OPCML: variants seen among roughly 807,000 people sequenced by gnomAD.
OPCML encodes the protein opioid-binding protein/cell adhesion molecule.
OPCML carries 13 observed loss-of-function variants against 37.8 expected under a neutral mutation model. The observed-to-expected ratio is 0.34, with a 90% confidence interval of 0.22 to 0.55. OPCML has a LOEUF of 0.55. Among genes scored for constraint, OPCML ranks in the 20% least tolerant of loss-of-function variants. OPCML has a pLI of 0.91. For missense variants in OPCML, 341 were observed against 435.6 expected (o/e 0.78, Z 1.93); for synonymous variants, 176 against 168.8 (o/e 1.04, Z -0.33).
At chr11:132,512,203 A>C (rs911912581) in intron 4 of OPCML, among the ~76,000 whole-genome samples, 1 of 152,108 alleles carries the variant, frequency 6.6e-6, no homozygotes, top group Admixed American at 6.6e-5. Context: ...TAATATTTCA[A>C]AGACAGGATA....
At chr11:132,728,089 G>T (rs1295638145) in intron 2 of OPCML, among the ~76,000 whole-genome samples, 1 of 152,214 alleles carries the variant, frequency 6.6e-6, no homozygotes, top group Non-Finnish European at 1.5e-5. Flanking sequence ...AGGGTAAACT[G>T]GTGAAAGACG....
At chr11:133,368,300 G>A (rs1377709372) in intron 1 of OPCML, among the ~76,000 whole-genome samples, 2 of 151,780 alleles carry the variant, frequency 1.3e-5, no homozygotes, top group Admixed American at 1.3e-4. Flanking sequence ...AGGAGGGAAG[G>A]CAGATGAAGA....
intron 4 of OPCML, among the ~76,000 whole-genome samples, chr11:132,470,767 A>C (rs2096135719): frequency 6.6e-6 from 1 of 152,190 alleles, no homozygotes; most frequent in South Asian, 2.1e-4. Context: ...TAGGATTGAA[A>C]CCCAGATTGT....
intron 4 of OPCML, among the ~76,000 whole-genome samples, chr11:132,479,466 C>G (rs1378382551): frequency 6.6e-6 from 1 of 152,206 alleles, no homozygotes; most frequent in African/African-American, 2.4e-5. Flanking sequence ...CCACCATTGC[C>G]CAGGCTTGCT....
intron 2 of OPCML, among the ~76,000 whole-genome samples, chr11:132,920,505 G>A (rs1373347317): frequency 6.6e-6 from 1 of 152,160 alleles, no homozygotes; most frequent in Non-Finnish European, 1.5e-5. Context: ...GTGCTGTCTT[G>A]GATCGCAGCC....
intron 2 of OPCML, among the ~76,000 whole-genome samples, chr11:132,712,190 T>A (rs11223178): frequency 0.18 from 27,618 of 152,094 alleles, 3,168 homozygotes; most frequent in Non-Finnish European, 0.25. Flanking sequence ...TGTCGGCAAT[T>A]GATTTGGTAG....
intron 1 of OPCML, among the ~76,000 whole-genome samples, chr11:133,448,614 T>C (rs1946518391): frequency 1.3e-5 from 2 of 152,160 alleles, no homozygotes; most frequent in South Asian, 4.1e-4. Context: ...CCTGCCACCA[T>C]GCCCAGCTAA....
chr11:133,373,423 A>AT (rs1944720551), intron 1 of OPCML, among the ~76,000 whole-genome samples: 10 of 90,012 alleles, frequency 1.1e-4, no homozygotes, highest in East Asian at 7.4e-4. Flanking sequence ...TACTTAATTA[A>AT]AATATATATA....
chr11:133,329,303 T>A (rs1442945093), intron 1 of OPCML, among the ~76,000 whole-genome samples: 1 of 152,108 alleles, frequency 6.6e-6, no homozygotes, highest in East Asian at 1.9e-4. Flanking sequence ...AAGCTACCAA[T>A]GACTATCTTC....
chr11:132,584,427 TCCTTCATTTG>T (rs2096468269), intron 3 of OPCML, among the ~76,000 whole-genome samples: 1 of 152,226 alleles, frequency 6.6e-6, no homozygotes, highest in Non-Finnish European at 1.5e-5. Flanking sequence ...GGTCAATTAT[TCCTTCATTTG>T]CACTTAAATT....
At chr11:132,491,574 C>G (rs1236095378) in intron 4 of OPCML, among the ~76,000 whole-genome samples, 2 of 152,284 alleles carry the variant, frequency 1.3e-5, no homozygotes, top group Admixed American at 6.5e-5. Context: ...CACCCACTCA[C>G]TCTCTTTCCC....
At chr11:133,482,315 C>A (rs1300231608) in intron 1 of OPCML, among the ~76,000 whole-genome samples, 1 of 152,184 alleles carries the variant, frequency 6.6e-6, no homozygotes, top group African/African-American at 2.4e-5. Flanking sequence ...GCATTTGAGG[C>A]AGCAGACAAC....
chr11:132,661,703 C>G (rs560641104), intron 2 of OPCML, among the ~76,000 whole-genome samples: 2 of 152,308 alleles, frequency 1.3e-5, no homozygotes, highest in East Asian at 3.9e-4. Flanking sequence ...CTAACCCTAC[C>G]TACTGATCCT....
At chr11:133,403,966 G>C (rs1400016730) in intron 1 of OPCML, among the ~76,000 whole-genome samples, 1 of 152,156 alleles carries the variant, frequency 6.6e-6, no homozygotes, top group African/African-American at 2.4e-5. Flanking sequence ...AAGTAGTGTT[G>C]CTTTGAACCA....
At chr11:133,517,817 G>C (rs1331578613) in intron 1 of OPCML, among the ~76,000 whole-genome samples, 1 of 152,220 alleles carries the variant, frequency 6.6e-6, no homozygotes, top group Non-Finnish European at 1.5e-5. Flanking sequence ...GAGTGAATGA[G>C]TAACCACAGC....
chr11:133,369,806 T>C (rs763991527), intron 1 of OPCML, among the ~76,000 whole-genome samples: 2 of 152,210 alleles, frequency 1.3e-5, no homozygotes, highest in Non-Finnish European at 2.9e-5. Flanking sequence ...GTAAAGAATG[T>C]GCATTCACAC....
intron 1 of OPCML, among the ~76,000 whole-genome samples, chr11:133,035,158 A>G (rs949444759): frequency 9.9e-5 from 15 of 152,074 alleles, no homozygotes; most frequent in African/African-American, 3.4e-4. Flanking sequence ...CTCATAGATT[A>G]CCTTCATTCT....
intron 1 of OPCML, among the ~76,000 whole-genome samples, chr11:133,406,296 C>T (rs1945524362): frequency 6.6e-6 from 1 of 152,118 alleles, no homozygotes; most frequent in Non-Finnish European, 1.5e-5. Flanking sequence ...CACCTCCAAA[C>T]CTGCAGAGAT....
intron 2 of OPCML, among the ~76,000 whole-genome samples, chr11:132,735,209 CT>C (rs1591534617): frequency 6.6e-6 from 1 of 151,976 alleles, no homozygotes; most frequent in Admixed American, 6.6e-5. Context: ...AAAATATAGC[CT>C]AGGAAACTAT....
Sources: allele counts gnomAD v4.1 joint callset (sites outside exome capture counted in the v4.1 genomes callset), GRCh38; gene constraint gnomAD v4.1.1; transcripts MANE v1.5; gene names NCBI Gene and HGNC (gene_info 2026-07-23, HGNC 2026-07-21).